The following DOCK3 variants were observed in gnomAD, a reference collection of about 807,000 sequenced individuals.
DOCK3 encodes dedicator of cytokinesis 3.
DOCK3 carries 60 observed loss-of-function variants against 265.6 expected under a neutral mutation model. That is an observed-to-expected ratio of 0.23 (90% CI 0.18 to 0.28). The LOEUF is 0.28. Ranked by LOEUF, DOCK3 falls within the 10% of genes least tolerant of loss-of-function variation. DOCK3 has a pLI of 1.00. For missense variants in DOCK3, 1,981 were observed against 2,594.3 expected (o/e 0.76, Z 5.14); for synonymous variants, 881 against 938.0 (o/e 0.94, Z 1.11).
chr3:50,936,536 G>A (rs1311768241), intron 5 of DOCK3, among the ~76,000 whole-genome samples: 4 of 152,092 alleles, frequency 2.6e-5, no homozygotes, highest in African/African-American at 7.2e-5. Context: ...GAAAATTAAA[G>A]CCAAAGAAGA....
intron 5 of DOCK3, among the ~76,000 whole-genome samples, chr3:51,029,523 CA>C (rs946299023): frequency 7.9e-5 from 12 of 152,186 alleles, no homozygotes; most frequent in African/African-American, 1.4e-4. Context: ...GGGAGGGGAA[CA>C]GGGGGAAAGA....
At chr3:51,245,912 G>A (rs566192992) in intron 21 of DOCK3, among the ~76,000 whole-genome samples, 1 of 152,124 alleles carries the variant, frequency 6.6e-6, no homozygotes, top group South Asian at 2.1e-4. Flanking sequence ...CGTGACACAG[G>A]GGATTAAATA....
intron 5 of DOCK3, among the ~76,000 whole-genome samples, chr3:51,028,677 G>C (rs556785191): frequency 5.3e-5 from 8 of 152,056 alleles, no homozygotes; most frequent in Non-Finnish European, 1.2e-4. Context: ...TCTTCAAGCT[G>C]TGAAATTCTT....
intron 5 of DOCK3, among the ~76,000 whole-genome samples, chr3:50,969,298 T>C (rs912120262): frequency 1.3e-5 from 2 of 152,348 alleles, no homozygotes; most frequent in African/African-American, 4.8e-5. Flanking sequence ...TAGCCACTTC[T>C]GCTTACTTTT....
chr3:50,682,946 A>T (rs115781626), intron 1 of DOCK3, among the ~76,000 whole-genome samples: 1 of 152,216 alleles, frequency 6.6e-6, no homozygotes, highest in Non-Finnish European at 1.5e-5. Context: ...GATCCTCCCA[A>T]AGTGTTGGGA....
intron 2 of DOCK3, chr3:50,788,099 A>G (rs1420113633): frequency 5.3e-6 from 4 of 754,778 alleles, no homozygotes; most frequent in Non-Finnish European, 8.6e-6. Context: ...CTTGGTGTCC[A>G]CAAACACAGA....
chr3:50,905,733 T>C (rs2049455859), intron 4 of DOCK3, among the ~76,000 whole-genome samples: 1 of 152,078 alleles, frequency 6.6e-6, no homozygotes, highest in Admixed American at 6.5e-5. Flanking sequence ...CTTCCTCTTT[T>C]CCTAATTGAA....
intron 1 of DOCK3, among the ~76,000 whole-genome samples, chr3:50,685,389 TA>T (rs1483186089): frequency 6.6e-6 from 1 of 152,204 alleles, no homozygotes; most frequent in African/African-American, 2.4e-5. Context: ...TTTACAAAAG[TA>T]AAAGGTCCCC....
rs1310569074 is a variant in DOCK3 at position 50,766,726 on chromosome 3, TA to T, written c.38-11948del. 2.0e-5 allele frequency among the ~76,000 whole-genome samples: 3 copies of T among 152,216 alleles called. No individual in the cohort carries two copies. In the East Asian group the frequency reaches 5.8e-4, roughly 29 times the overall value. On this transcript the variant is annotated intron_variant, in intron 1 of 52. Coordinates refer to ENST00000266037, the MANE Select transcript of DOCK3 (RefSeq NM_004947.5). ...ATCTTCCACAATGGTTGAACCAGTT[TA>T]CAGTCCCACCAACAGCGTAAAAATG...
chr3:50,970,928 TATATATATATATATATATA>T (rs1440035686), intron 5 of DOCK3, among the ~76,000 whole-genome samples: 10 of 72,202 alleles, frequency 1.4e-4, no homozygotes, highest in East Asian at 1.4e-3. Context: ...TATATATATA[TATATATATATATATATATA>T]ATGTGTGTGT....
chr3:50,750,970 A>G (rs1199790988), intron 1 of DOCK3, among the ~76,000 whole-genome samples: 1 of 152,216 alleles, frequency 6.6e-6, no homozygotes. Flanking sequence ...TGTATGGACA[A>G]TGTAGAATTA....
chr3:50,695,418 G>A (rs1040437042), intron 1 of DOCK3, among the ~76,000 whole-genome samples: 4 of 152,192 alleles, frequency 2.6e-5, no homozygotes, highest in Non-Finnish European at 4.4e-5. Context: ...ACAAATCCCT[G>A]TGAATTTCCA....
chr3:51,161,354 GA>G (rs1372052599), intron 12 of DOCK3, among the ~76,000 whole-genome samples: 1 of 151,710 alleles, frequency 6.6e-6, no homozygotes, highest in Non-Finnish European at 1.5e-5. Context: ...TGAGGCAGGA[GA>G]ATGGCGTGAA....
At chr3:51,023,399 T>C (rs2079679205) in intron 5 of DOCK3, among the ~76,000 whole-genome samples, 1 of 152,164 alleles carries the variant, frequency 6.6e-6, no homozygotes, top group African/African-American at 2.4e-5. Flanking sequence ...GATGTTCTGA[T>C]TGTTTTTTGT....
intron 5 of DOCK3, among the ~76,000 whole-genome samples, chr3:51,026,433 G>GTTTTTTT (rs34722593): frequency 7.1e-6 from 1 of 140,230 alleles, no homozygotes; most frequent in Non-Finnish European, 1.6e-5. Flanking sequence ...TTGGCCTGTA[G>GTTTTTTT]TTTTTTTTTT....
chr3:51,100,179 C>T (rs759310756), intron 9 of DOCK3, among the ~76,000 whole-genome samples: 1 of 152,134 alleles, frequency 6.6e-6, no homozygotes, highest in African/African-American at 2.4e-5. Flanking sequence ...GACAGTCTGG[C>T]CCTCCTACAG....
chr3:50,878,122 C>T (rs948796492), intron 3 of DOCK3, among the ~76,000 whole-genome samples: 3 of 152,242 alleles, frequency 2.0e-5, no homozygotes, highest in Non-Finnish European at 2.9e-5. Flanking sequence ...CCCATCTGTA[C>T]GTCACCATCA....
intron 9 of DOCK3, among the ~76,000 whole-genome samples, chr3:51,114,270 G>A (rs1185178806): frequency 6.6e-6 from 1 of 152,098 alleles, no homozygotes; most frequent in African/African-American, 2.4e-5. Context: ...AAGGAAAAAG[G>A]AAGAAGACCT....
intron 1 of DOCK3, among the ~76,000 whole-genome samples, chr3:50,722,872 A>G (rs2037563070): frequency 6.6e-6 from 1 of 150,818 alleles, no homozygotes; most frequent in Non-Finnish European, 1.5e-5. Flanking sequence ...CCTGGGCTCA[A>G]GGCATGCTCC....
Sources: allele counts gnomAD v4.1 joint callset (sites outside exome capture counted in the v4.1 genomes callset), GRCh38; gene constraint gnomAD v4.1.1; transcripts MANE v1.5; gene names NCBI Gene and HGNC (gene_info 2026-07-23, HGNC 2026-07-21).